The following COL4A6 variants were observed in gnomAD, a reference collection of about 807,000 sequenced individuals.
COL4A6 encodes collagen alpha-6(IV) chain.
In COL4A6, 59 loss-of-function variants were observed where a neutral mutation model predicts 126.7. The ratio of observed to expected loss-of-function variants is 0.47; its 90% confidence interval spans 0.38 to 0.58. COL4A6 has a LOEUF of 0.58. COL4A6 is among the 20% of genes least tolerant of loss of function. The pLI is 0.00. For synonymous variants in COL4A6, 547 were observed against 496.6 expected, an observed-to-expected ratio of 1.10 and a Z score of -1.35; for missense variants, 1,285 against 1,337.3, an observed-to-expected ratio of 0.96 and a Z score of 0.61.
intron 3 of COL4A6, among the ~76,000 whole-genome samples, chrX:108,250,210 C>T (rs770073106): frequency 9.0e-6 from 1 of 110,992 alleles, no homozygotes; most frequent in Non-Finnish European, 1.9e-5. Flanking sequence ...CTATAGAGTA[C>T]TGCCTTTTAC....
At chrX:108,391,602 A>T (rs1007934037) in intron 2 of COL4A6, among the ~76,000 whole-genome samples, 9 of 112,231 alleles carry the variant, frequency 8.0e-5, no homozygotes, top group Admixed American at 3.8e-4. Flanking sequence ...AGTGGATCTT[A>T]GCTTGTTGGG....
At chrX:108,158,949 C>G (rs191978907) in intron 44 of COL4A6, among the ~76,000 whole-genome samples, 1 of 112,287 alleles carries the variant, frequency 8.9e-6, no homozygotes, top group Non-Finnish European at 1.9e-5. Flanking sequence ...GCCTTCACAC[C>G]GAAATGGAGA....
chrX:108,354,687 C>T (rs1329767216), intron 2 of COL4A6, among the ~76,000 whole-genome samples: 2 of 102,294 alleles, frequency 2.0e-5, no homozygotes, highest in Non-Finnish European at 3.9e-5. Context: ...TCCTTTCTCA[C>T]TCCCAAATAA....
intron 8 of COL4A6, among the ~76,000 whole-genome samples, chrX:108,207,775 A>C (rs2035591217): frequency 9.0e-6 from 1 of 111,659 alleles, no homozygotes; most frequent in South Asian, 3.8e-4. Flanking sequence ...TATTAAAAGT[A>C]TAGGGGAGGA....
At chrX:108,368,686 C>T (rs1371234124) in intron 2 of COL4A6, among the ~76,000 whole-genome samples, 11 of 111,792 alleles carry the variant, frequency 9.8e-5, no homozygotes, top group African/African-American at 3.6e-4. Context: ...TACAGCTGTA[C>T]AAAAATATGT....
chrX:108,245,389 G>A (rs190000391), intron 3 of COL4A6, among the ~76,000 whole-genome samples: 5 of 111,824 alleles, frequency 4.5e-5, no homozygotes, highest in African/African-American at 9.7e-5. Flanking sequence ...CACATGGAAG[G>A]AACTCTGGGT....
chrX:108,285,406 T>A (rs2037979485), intron 3 of COL4A6, among the ~76,000 whole-genome samples: 1 of 112,418 alleles, frequency 8.9e-6, no homozygotes, highest in African/African-American at 3.2e-5. Flanking sequence ...GTTGTGATGC[T>A]AATCATAGAG....
intron 2 of COL4A6, among the ~76,000 whole-genome samples, chrX:108,342,682 G>T (rs1330017578): frequency 9.0e-6 from 1 of 111,669 alleles, no homozygotes; most frequent in Non-Finnish European, 1.9e-5. Flanking sequence ...GCTTTCAATT[G>T]CAGGCATCTT....
At chrX:108,284,603 T>A (rs913722653) in intron 3 of COL4A6, among the ~76,000 whole-genome samples, 1 of 112,193 alleles carries the variant, frequency 8.9e-6, no homozygotes, top group African/African-American at 3.2e-5. Flanking sequence ...ACTATTTGGA[T>A]CCAGACACTT....
rs1315742958 is a variant in COL4A6 at position 108,412,398 on chromosome X, T to C, written c.63+25544A>G. Among the ~76,000 whole-genome samples, 4 of 111,809 alleles carry C rather than the reference T, an allele frequency of 3.6e-5. No individual in the cohort carries two copies. In the East Asian group the frequency reaches 1.1e-3, roughly 31 times the overall value. ...CCCTCTCACTGGAAATTTGAACATA[T>C]AGTCTCTCACGCTTAACAAGTCTAA... On this transcript the variant is annotated intron_variant, in intron 2 of 44. Transcript: ENST00000334504.
At chrX:108,285,890 G>A (rs1373669786) in intron 3 of COL4A6, among the ~76,000 whole-genome samples, 1 of 111,816 alleles carries the variant, frequency 8.9e-6, no homozygotes, top group Non-Finnish European at 1.9e-5. Context: ...CTGGGTAGGA[G>A]TGAGGTGGTC....
chrX:108,209,408 C>T (rs944657505), intron 8 of COL4A6, among the ~76,000 whole-genome samples: 4 of 109,526 alleles, frequency 3.7e-5, no homozygotes, highest in Admixed American at 1.9e-4. Context: ...AAAGATAGAG[C>T]GAAGAAAGAA....
intron 2 of COL4A6, among the ~76,000 whole-genome samples, chrX:108,367,114 C>G (rs759634731): frequency 3.6e-5 from 4 of 112,248 alleles, no homozygotes; most frequent in Non-Finnish European, 7.5e-5. Context: ...TCTATCAAAT[C>G]TGATGAAAGT....
chrX:108,255,389 AAAGGG>A (rs2036975161), intron 3 of COL4A6, among the ~76,000 whole-genome samples: 1 of 109,973 alleles, frequency 9.1e-6, no homozygotes, highest in Non-Finnish European at 1.9e-5. Context: ...AGCATTTCTC[AAAGGG>A]AAGGTCAGGA....
At chrX:108,346,068 C>T (rs781234790) in intron 2 of COL4A6, among the ~76,000 whole-genome samples, 1 of 111,298 alleles carries the variant, frequency 9.0e-6, no homozygotes, top group Non-Finnish European at 1.9e-5. Flanking sequence ...CCCCACACAC[C>T]GTGGCACCAA....
intron 3 of COL4A6, among the ~76,000 whole-genome samples, chrX:108,223,677 G>A (rs1005805698): frequency 2.7e-5 from 3 of 111,550 alleles, no homozygotes; most frequent in Non-Finnish European, 5.7e-5. Context: ...GGGAACAGGG[G>A]AGAGTTGGGA....
chrX:108,426,749 A>G (rs756195988), intron 2 of COL4A6, among the ~76,000 whole-genome samples: 1 of 112,579 alleles, frequency 8.9e-6, no homozygotes, highest in Admixed American at 9.4e-5. Flanking sequence ...GGGGAAAATA[A>G]TAACTGCAAT....
In COL4A6 at chrX:108,156,646, T is replaced by A; in HGVS notation, c.*354A>T. 7.9e-6 allele frequency: 2 copies of A among 252,695 alleles called. No homozygotes were observed. The highest frequency in any genetic ancestry group is 7.1e-6 in the Non-Finnish European group (1 of 141,756). 20.8% of individuals were successfully genotyped at this position (252,695 alleles called of 1,213,427 possible). ...CTCTGTACATGAAGAAATGACTGAT[T>A]AGCGATTAGGAAGAGCTTTCCGATC... is the stretch of plus-strand genomic sequence containing the variant. On this transcript the variant is annotated 3_prime_UTR_variant, in exon 45 of 45. Transcript: ENST00000334504.
intron 3 of COL4A6, among the ~76,000 whole-genome samples, chrX:108,255,647 C>T (rs1018108372): frequency 6.3e-5 from 7 of 110,280 alleles, no homozygotes; most frequent in Non-Finnish European, 9.5e-5. Context: ...CTGCCAACCT[C>T]ACCCTGTTAA....
Sources: gnomAD v4.1 joint callset for allele counts (sites outside exome capture counted in the v4.1 genomes callset) on GRCh38, gnomAD v4.1.1 for gene constraint, MANE v1.5 for transcripts, NCBI Gene and HGNC (gene_info 2026-07-23, HGNC 2026-07-21) for gene names.